NEK6: variants seen among roughly 807,000 people sequenced by gnomAD.
NEK6 encodes the protein serine/threonine-protein kinase Nek6.
NEK6 carries 27 observed loss-of-function variants against 43.5 expected under a neutral mutation model. The observed-to-expected ratio is 0.62, with a 90% CI of 0.46 to 0.86. The LOEUF (loss-of-function observed/expected upper bound fraction) is 0.86, where lower values mean the gene tolerates loss of function less well. NEK6 is among the 40% of genes least tolerant of loss of function. The pLI, the probability that NEK6 is intolerant of heterozygous loss-of-function variation, is 0.00. For synonymous variants in NEK6, 167 were observed against 164.1 expected (o/e 1.02, Z -0.14); for missense variants, 318 against 414.4 (o/e 0.77, Z 2.02).
At chr9:124,272,855 A>G (rs1292574510) in intron 1 of NEK6, among the ~76,000 whole-genome samples, 3 of 152,236 alleles carry the variant, frequency 2.0e-5, no homozygotes, top group Middle Eastern at 3.2e-3. Context: ...GCCCACTGCC[A>G]AGTCAGGATT....
chr9:124,283,633 C>G (rs1315484969), intron 1 of NEK6, among the ~76,000 whole-genome samples: 2 of 152,190 alleles, frequency 1.3e-5, no homozygotes, highest in East Asian at 3.9e-4. Context: ...CCCTGTGGAT[C>G]CTACTTCCTG....
At chr9:124,344,671 A>G (rs1829826155) in intron 8 of NEK6, among the ~76,000 whole-genome samples, 3 of 152,088 alleles carry the variant, frequency 2.0e-5, no homozygotes, top group South Asian at 4.1e-4. Flanking sequence ...TGCAGGACTG[A>G]TTTTTATCTA....
At chr9:124,341,671 C>T (rs1424693482) in intron 8 of NEK6, among the ~76,000 whole-genome samples, 3 of 152,110 alleles carry the variant, frequency 2.0e-5, no homozygotes, top group Non-Finnish European at 4.4e-5. Flanking sequence ...TCCTCCCTGC[C>T]TCCCTGTCTC....
chr9:124,324,743 CAG>C lies in NEK6; in HGVS notation c.406-1586_406-1585del, dbSNP rs1381626938. Among the ~76,000 whole-genome samples, 1 of 152,132 alleles carries C rather than the reference CAG, an allele frequency of 6.6e-6. No homozygotes were observed. The highest frequency in any genetic ancestry group is 1.5e-5 in the Non-Finnish European group (1 of 68,028). ...GCCTCGAGGGGATTTACGGCGAGGTCAGGGGCTCCCCACTGCGACTGTCCCAC... is the reference window on the plus strand; with the variant it reads ...GCCTCGAGGGGATTTACGGCGAGGTCGGGCTCCCCACTGCGACTGTCCCAC... On this transcript the variant is annotated intron_variant, in intron 5 of 9. Transcript: ENST00000320246. This position sits in a 1 kb window ranked among gnomAD's most constrained non-coding sequence, Gnocchi z 5.3.
chr9:124,318,023 C>T (rs1833901810), intron 4 of NEK6, among the ~76,000 whole-genome samples: 1 of 152,128 alleles, frequency 6.6e-6, no homozygotes, highest in African/African-American at 2.4e-5. Context: ...CATTTATATT[C>T]CTTTGGGTAT....
chr9:124,332,551 C>T (rs1414591938), intron 7 of NEK6, among the ~76,000 whole-genome samples: 2 of 152,204 alleles, frequency 1.3e-5, no homozygotes, highest in Non-Finnish European at 2.9e-5. Flanking sequence ...CCCAATGTCC[C>T]GCCGGCTGGA....
At position 124,352,267 on chromosome 9, in the gene NEK6, C is replaced by T. The variant is rs946848411; in HGVS notation, c.*1320C>T. 3.3e-5 allele frequency: 5 copies of T among 152,264 alleles called. No individual in the cohort carries two copies. Among genetic ancestry groups the T allele is most frequent in the African/African-American group, 1.2e-4 (5 of 41,430 alleles). The allele number at this position is 152,264 out of a possible 1,614,324, so 9.4% of individuals were successfully genotyped here. The stretch of plus-strand genomic sequence containing the variant: ...GCAGGCATTCACTGACCAGGCCTTT[C>T]CTGGAGGAAACACCCAGGGCCGGGC... On this transcript the variant is annotated 3_prime_UTR_variant, in exon 10 of 10. Coordinates refer to ENST00000320246, the MANE Select transcript of NEK6 (RefSeq NM_014397.6).
intron 1 of NEK6, among the ~76,000 whole-genome samples, chr9:124,277,373 G>A (rs1043177639): frequency 5.3e-5 from 8 of 152,240 alleles, no homozygotes; most frequent in South Asian, 2.1e-4. Flanking sequence ...TTGAACATGG[G>A]AGGCGGAGGT....
chr9:124,344,235 A>G (rs1223708150), intron 8 of NEK6, among the ~76,000 whole-genome samples: 1 of 152,162 alleles, frequency 6.6e-6, no homozygotes, highest in African/African-American at 2.4e-5. Flanking sequence ...TCAGGAGCCA[A>G]CATTTCATCA....
At chr9:124,349,680 C>T (rs551217702) in intron 9 of NEK6, among the ~76,000 whole-genome samples, 5 of 152,356 alleles carry the variant, frequency 3.3e-5, no homozygotes, top group East Asian at 1.9e-4. Flanking sequence ...TAAATTAGTT[C>T]GGGTCACAGA....
intron 8 of NEK6, among the ~76,000 whole-genome samples, chr9:124,342,569 G>A (rs1416087522): frequency 6.6e-6 from 1 of 152,232 alleles, no homozygotes; most frequent in African/African-American, 2.4e-5. Context: ...TCCACCAGCT[G>A]CAGGCCAAGC....
At chr9:124,303,065 G>T (rs1025807944) in intron 2 of NEK6, among the ~76,000 whole-genome samples, 4 of 152,226 alleles carry the variant, frequency 2.6e-5, no homozygotes, top group African/African-American at 4.8e-5. Flanking sequence ...CGGGCCTAGG[G>T]AGCCCAGCAA....
chr9:124,317,225 A>T (rs777574417), intron 4 of NEK6, among the ~76,000 whole-genome samples: 3 of 152,182 alleles, frequency 2.0e-5, no homozygotes, highest in East Asian at 1.9e-4. Context: ...CCTTTTCAAC[A>T]CAAAATCTGG....
At chr9:124,334,101 T>G (rs148856852) in intron 7 of NEK6, among the ~76,000 whole-genome samples, 2,899 of 152,252 alleles carry the variant, frequency 0.019, 43 homozygotes, top group Middle Eastern at 0.041. Context: ...ATAGACATGG[T>G]CTACTGGCTG....
chr9:124,293,337 A>C (rs1588469773), intron 1 of NEK6, among the ~76,000 whole-genome samples: 1 of 152,336 alleles, frequency 6.6e-6, no homozygotes, highest in African/African-American at 2.4e-5. Flanking sequence ...CCCGACACAG[A>C]GGAAGCACTC....
chr9:124,309,842 C>T (rs1360163569), intron 2 of NEK6, among the ~76,000 whole-genome samples: 2 of 152,222 alleles, frequency 1.3e-5, no homozygotes, highest in Non-Finnish European at 2.9e-5. Flanking sequence ...TGCGCCAGGT[C>T]GTGTCAGGCA....
chr9:124,278,288 T>C (rs890500113), intron 1 of NEK6, among the ~76,000 whole-genome samples: 7 of 152,228 alleles, frequency 4.6e-5, no homozygotes, highest in African/African-American at 1.7e-4. Context: ...CGCCTCGTCA[T>C]GCATTTCTCA....
At chr9:124,322,563 C>G (rs1466150033) in intron 5 of NEK6, among the ~76,000 whole-genome samples, 1 of 152,234 alleles carries the variant, frequency 6.6e-6, no homozygotes, top group Non-Finnish European at 1.5e-5. Flanking sequence ...CCAGGCCTGC[C>G]TGACCCCCAG....
intron 1 of NEK6, among the ~76,000 whole-genome samples, chr9:124,284,773 G>A (rs971600894): frequency 1.3e-5 from 2 of 152,304 alleles, no homozygotes; most frequent in African/African-American, 2.4e-5. Flanking sequence ...TGCATGTCTG[G>A]TGGGAGCTTC....
Sources: allele counts gnomAD v4.1 joint callset (sites outside exome capture counted in the v4.1 genomes callset), GRCh38; gene constraint gnomAD v4.1.1; non-coding constraint Gnocchi (gnomAD v3.1); transcripts MANE v1.5; gene names NCBI Gene and HGNC (gene_info 2026-07-23, HGNC 2026-07-21).